Variants in PSMC6 observed in about 807,000 individuals in gnomAD.
The protein encoded by PSMC6 is proteasome 26S subunit, ATPase 6.
In PSMC6, 3 loss-of-function variants were observed where a neutral mutation model predicts 55.9. That is an observed-to-expected ratio of 0.05 (90% confidence interval 0.02 to 0.14). The LOEUF (loss-of-function observed/expected upper bound fraction) is 0.14. Among genes scored for constraint, PSMC6 ranks in the 10% least tolerant of loss-of-function variants. The pLI is 1.00. For missense variants in PSMC6, 210 were observed against 478.7 expected, an observed-to-expected ratio of 0.44 and a Z score of 5.24; for synonymous variants, 137 against 155.9, an observed-to-expected ratio of 0.88 and a Z score of 0.90.
At chr14:52,713,166 G>T (rs978234279) in intron 6 of PSMC6, among the ~76,000 whole-genome samples, 8 of 152,076 alleles carry the variant, frequency 5.3e-5, no homozygotes, top group African/African-American at 1.7e-4. Context: ...GGAGGCAGAG[G>T]TTGCAATGAG....
intron 4 of PSMC6, 199 bp from the exon 5 acceptor site, chr14:52,710,902 A>G (rs2041764868): frequency 1.7e-6 from 1 of 589,556 alleles, no homozygotes; most frequent in Non-Finnish European, 3.1e-6. Context: ...ACAAAGGGGC[A>G]TGCTTTTAAG....
chr14:52,708,824 T>C lies in PSMC6; in HGVS notation c.258+8T>C. On this transcript the variant is annotated splice_region_variant and intron_variant, in intron 4 of 13. Transcript: ENST00000445930. ...GTGGGTTGTCGTCGACAGGTAATAC[T>C]TTATATTTGTATAGTGCCTGATGAT... The C allele has an allele frequency of 6.2e-7, 1 of 1,613,298 alleles. No individual in the cohort carries two copies. The highest frequency in any genetic ancestry group is 8.5e-7 in the Non-Finnish European group (1 of 1,179,704).
At position 52,718,097 on chromosome 14, in the gene PSMC6, C is replaced by G. The variant is rs139274031; in HGVS notation, c.546C>G (p.Leu182=). ...LYGPPGTGKT[L]LARAVASQLD... ...CATTCTTAGGTACGGGAAAAACACTCTTGGCACGAGCCGTTGCTAGCCAGC... is the reference window on the plus strand; with the variant it reads ...CATTCTTAGGTACGGGAAAAACACTGTTGGCACGAGCCGTTGCTAGCCAGC... The change falls in exon 8 of 14, where the codon CTC becomes CTG. Residue 182 remains leucine, a synonymous_variant. Coordinates refer to ENST00000445930, the MANE Select transcript of PSMC6 (RefSeq NM_002806.5). 5.0e-6 allele frequency: 8 copies of G among 1,613,188 alleles called. No individual in the cohort carries two copies. Among genetic ancestry groups the G allele is most frequent in the Admixed American group, 1.7e-5 (1 of 60,026 alleles).
At chr14:52,715,601 C>CT (rs1266244458) in intron 7 of PSMC6, among the ~76,000 whole-genome samples, 3 of 149,814 alleles carry the variant, frequency 2.0e-5, no homozygotes, top group Non-Finnish European at 3.0e-5. Context: ...GAAGCTTTTT[C>CT]TTTTTTTCTT....
intron 1 of PSMC6, among the ~76,000 whole-genome samples, chr14:52,707,758 C>T (rs1397652831): frequency 6.6e-6 from 1 of 152,138 alleles, no homozygotes; most frequent in Non-Finnish European, 1.5e-5. Flanking sequence ...TCATAATAAC[C>T]CATATCGTCT....
intron 5 of PSMC6, 110 bp from the exon 6 acceptor site, chr14:52,711,300 C>A (rs1253041010): frequency 3.2e-6 from 4 of 1,267,314 alleles, no homozygotes; most frequent in Non-Finnish European, 3.4e-6. Context: ...TTAAGCACAT[C>A]TTTATGAGAT....
Position 52,728,084 on chromosome 14 carries a change from A to C in PSMC6, c.*467A>C, listed in dbSNP as rs1449585127. On this transcript the variant is annotated 3_prime_UTR_variant, in exon 14 of 14. Coordinates refer to ENST00000445930, the MANE Select transcript of PSMC6 (RefSeq NM_002806.5). Reference sequence around the variant, plus strand: ...ATTTGATAACCCAGATGGATTGTGGATTTTTGAATATTATTTTAAAATAGT... The same window carrying C: ...ATTTGATAACCCAGATGGATTGTGGCTTTTTGAATATTATTTTAAAATAGT... 1.3e-5 allele frequency: 2 copies of C among 154,880 alleles called. No homozygotes were observed. The highest frequency in any genetic ancestry group is 2.9e-5 in the Non-Finnish European group (2 of 69,812). The allele number at this position is 154,880 out of a possible 1,614,324, so 9.6% of individuals were successfully genotyped here.
chr14:52,708,233 A>G, intron 1 of PSMC6, 76 bp from the exon 2 acceptor site: 1 of 1,247,052 alleles, frequency 8.0e-7, no homozygotes, highest in Admixed American at 1.8e-5. Flanking sequence ...TTACGTAAAC[A>G]GTAAAGTGAG....
intron 10 of PSMC6, among the ~76,000 whole-genome samples, chr14:52,719,251 A>C (rs938231124): frequency 2.5e-4 from 38 of 152,196 alleles, no homozygotes; most frequent in Middle Eastern, 3.2e-3. Flanking sequence ...TTTGGTATAC[A>C]CCTGTACTAT....
chr14:52,709,851 CA>C (rs2041747728), intron 4 of PSMC6: 1 of 196,028 alleles, frequency 5.1e-6, no homozygotes, highest in Admixed American at 6.2e-5. Flanking sequence ...ATCATGTCAG[CA>C]TTCAAAAAAT....
intron 9 of PSMC6, chr14:52,718,641 C>G (rs1193169305): frequency 7.7e-6 from 3 of 392,010 alleles, no homozygotes; most frequent in Non-Finnish European, 1.4e-5. Flanking sequence ...CAAAAATTAG[C>G]TGGATGTGGT....
chr14:52,715,253 T>C, intron 7 of PSMC6, among the ~76,000 whole-genome samples: 1 of 152,196 alleles, frequency 6.6e-6, no homozygotes, highest in East Asian at 1.9e-4. Flanking sequence ...GGAAAATAAA[T>C]ATAAAGTACT....
intron 9 of PSMC6, 56 bp downstream of exon 9, chr14:52,718,408 C>A: frequency 6.5e-7 from 1 of 1,528,386 alleles, no homozygotes; most frequent in Non-Finnish European, 8.9e-7. Flanking sequence ...TGTAAAAGAA[C>A]CTTTTTCCCT....
Position 52,727,809 on chromosome 14 carries a change from T to G in PSMC6, c.*192T>G. ...ATTTGTATGTTTGTTAAAGTTGCAT[T>G]TATTGCAGCAAGTTACAAAGGGAAA... On this transcript the variant is annotated 3_prime_UTR_variant, in exon 14 of 14. Coordinates refer to ENST00000445930, the MANE Select transcript of PSMC6 (RefSeq NM_002806.5). 3 of 440,380 alleles carry G rather than the reference T, an allele frequency of 6.8e-6. No homozygotes were observed. The highest frequency in any genetic ancestry group is 1.2e-5 in the Non-Finnish European group (3 of 245,502). The allele number at this position is 440,380 out of a possible 1,614,324, so 27.3% of individuals were successfully genotyped here.
At chr14:52,716,436 G>A (rs187572084) in intron 7 of PSMC6, among the ~76,000 whole-genome samples, 1 of 152,252 alleles carries the variant, frequency 6.6e-6, no homozygotes, top group African/African-American at 2.4e-5. Flanking sequence ...CCTAAAAATT[G>A]CCCATCAATG....
intron 4 of PSMC6, among the ~76,000 whole-genome samples, chr14:52,709,395 TTTAA>T (rs2041740285): frequency 6.6e-6 from 1 of 152,222 alleles, no homozygotes; most frequent in Non-Finnish European, 1.5e-5. Flanking sequence ...GTTTTCTCTG[TTTAA>T]TTGTCATTTC....
At chr14:52,710,975 T>C in intron 4 of PSMC6, 126 bp from the exon 5 acceptor site, 1 of 842,738 alleles carries the variant, frequency 1.2e-6, no homozygotes, top group Non-Finnish European at 2.0e-6. Flanking sequence ...ATAGAGTTTA[T>C]AATCTGATAT....
chr14:52,709,649 T>TA, intron 4 of PSMC6: 1 of 441,908 alleles, frequency 2.3e-6, no homozygotes, highest in Non-Finnish European at 4.5e-6. Flanking sequence ...ATTTGAAGAC[T>TA]AAAAAACATT....
At chr14:52,720,307 GCAGTGAGCGATGATCAGGCCA>G (rs2041876219) in intron 10 of PSMC6, among the ~76,000 whole-genome samples, 2 of 129,974 alleles carry the variant, frequency 1.5e-5, no homozygotes, top group Admixed American at 1.8e-4. Context: ...GGTGAAGGTT[GCAGTGAGCGATGATCAGGCCA>G]CAGTACTCCA....
Sources: gnomAD v4.1 joint callset for allele counts (sites outside exome capture counted in the v4.1 genomes callset) on GRCh38, gnomAD v4.1.1 for gene constraint, MANE v1.5 for transcripts, NCBI Gene and HGNC (gene_info 2026-07-23, HGNC 2026-07-21) for gene names.